Variants in MEGF11 observed in about 807,000 individuals in gnomAD.
The protein encoded by MEGF11 is multiple EGF like domains 11, also known as multiple epidermal growth factor-like domains protein 11.
MEGF11 carries 126 observed loss-of-function variants against 146.6 expected under a neutral mutation model. The ratio of observed to expected loss-of-function variants is 0.86; its 90% CI spans 0.74 to 1.00. The LOEUF (loss-of-function observed/expected upper bound fraction) is 1.00. Among genes scored for constraint, MEGF11 ranks in the 50% least tolerant of loss-of-function variants. The pLI, the probability that MEGF11 is intolerant of heterozygous loss-of-function variation, is 0.00. For synonymous variants in MEGF11, 532 were observed against 583.4 expected (o/e 0.91, Z 1.27); for missense variants, 1,509 against 1,521.2 (o/e 0.99, Z 0.13).
chr15:66,212,468 AAG>A (rs2091485766), intron 1 of MEGF11, among the ~76,000 whole-genome samples: 2 of 152,066 alleles, frequency 1.3e-5, no homozygotes, highest in African/African-American at 4.8e-5. Context: ...GCCTCTAAGA[AAG>A]AGAGAAGATA....
At chr15:65,905,972 G>A (rs1596815634) in intron 24 of MEGF11, 113 bp downstream of exon 24, 1 of 833,622 alleles carries the variant, frequency 1.2e-6, no homozygotes, top group Non-Finnish European at 1.9e-6. Context: ...TTAACCTTCT[G>A]TGGGGGGCAG....
chr15:66,123,597 T>C (rs914491555), intron 3 of MEGF11, among the ~76,000 whole-genome samples: 4 of 152,170 alleles, frequency 2.6e-5, no homozygotes, highest in Admixed American at 6.5e-5. Flanking sequence ...ATGTAGAACA[T>C]GGCTAAGAGA....
rs181827701 is a variant in MEGF11 at position 66,236,873 on chromosome 15, G to A, written c.-9+16732C>T. On this transcript the variant is annotated intron_variant, in intron 1 of 25. Transcript: ENST00000395614. ...GGAGCTGAGCCAAGATGGGCGGCCC[G>A]CTGTAACACCCCGGGAAGAACAAGA... Among the ~76,000 whole-genome samples, 94 of 152,268 alleles carry A rather than the reference G, an allele frequency of 6.2e-4. 1 individual carries two copies. The highest frequency in any genetic ancestry group is 6.0e-3 in the South Asian group (29 of 4,820).
In MEGF11 at chr15:66,163,025, C is replaced by A. The variant is rs561357123; in HGVS notation, c.-8-34614G>T. 1.1e-4 allele frequency among the ~76,000 whole-genome samples: 17 copies of A among 152,154 alleles called. No homozygotes were observed. In the South Asian group the frequency reaches 3.5e-3, roughly 32 times the overall value. ...GATCCTGCAACATACTGCTCATATACCCTGAAGTTTGAAAGCCACAAGATT... is the reference window on the plus strand; with the variant it reads ...GATCCTGCAACATACTGCTCATATAACCTGAAGTTTGAAAGCCACAAGATT... On this transcript the variant is annotated intron_variant, in intron 1 of 25. Coordinates refer to ENST00000395614, the MANE Select transcript of MEGF11 (RefSeq NM_001385028.1).
intron 1 of MEGF11, among the ~76,000 whole-genome samples, chr15:66,237,659 T>C (rs963926133): frequency 1.4e-4 from 21 of 152,160 alleles, no homozygotes; most frequent in Non-Finnish European, 2.5e-4. Context: ...GAGAATTGAA[T>C]GAGTAATCCT....
At chr15:65,941,656 T>C (rs1354328413) in intron 10 of MEGF11, among the ~76,000 whole-genome samples, 1 of 152,228 alleles carries the variant, frequency 6.6e-6, no homozygotes. Context: ...CCATTCTCTT[T>C]CCTGAGATTC....
chr15:66,225,645 A>G (rs939065042), intron 1 of MEGF11, among the ~76,000 whole-genome samples: 7 of 152,208 alleles, frequency 4.6e-5, no homozygotes, highest in Admixed American at 3.3e-4. Context: ...ACACTTGAGC[A>G]CACACATGCA....
rs775266969 is a variant in MEGF11 at position 65,916,901 on chromosome 15, G to A, written c.2142C>T (p.Asn714=). The change falls in exon 17 of 26, where the codon AAC becomes AAT. Residue 714 remains asparagine (N), a synonymous_variant. Transcript: ENST00000395614. Reference sequence around the variant, plus strand: ...CGTCCTCGGCGCTGCAGCTCGCCCCGTTGTGGCAGCTGCATGCGTGGAAGC... The same window carrying A: ...CGTCCTCGGCGCTGCAGCTCGCCCCATTGTGGCAGCTGCATGCGTGGAAGC... ...PACFHACSCH[N]GASCSAEDGA... 5.1e-6 allele frequency: 8 copies of A among 1,579,878 alleles called. No individual in the cohort carries two copies. Among genetic ancestry groups the A allele is most frequent in the African/African-American group, 1.3e-5 (1 of 74,130 alleles).
chr15:66,226,320 T>C (rs2091851682), intron 1 of MEGF11, among the ~76,000 whole-genome samples: 1 of 151,736 alleles, frequency 6.6e-6, no homozygotes, highest in Non-Finnish European at 1.5e-5. Context: ...TGATCTCAGC[T>C]CACTGCAACC....
intron 1 of MEGF11, among the ~76,000 whole-genome samples, chr15:66,146,262 C>G (rs2089367462): frequency 6.6e-6 from 1 of 152,186 alleles, no homozygotes; most frequent in Non-Finnish European, 1.5e-5. Context: ...AGGGAATTAT[C>G]CTCATTCACC....
chr15:66,112,558 T>C (rs1419930330), intron 4 of MEGF11, among the ~76,000 whole-genome samples: 1 of 151,814 alleles, frequency 6.6e-6, no homozygotes, highest in East Asian at 1.9e-4. Flanking sequence ...AGAAAGGAGA[T>C]TTTTGAAGAG....
Position 65,898,023 on chromosome 15 carries a change from G to C in MEGF11, c.3334C>G (p.Pro1112Ala). ...TGACCAGGAATATGGCTGTTCCTAG[G>C]TAGGTCGTATGCATTCTGGATATAG... is the stretch of plus-strand genomic sequence containing the variant. ...SSYIQNAYDL[P>A]RNSHIPGHYD... The change falls in exon 26 of 26, where the codon CCT becomes GCT. Residue 1112 changes from proline (P) to alanine (A), a missense_variant. Coordinates refer to ENST00000395614, the MANE Select transcript of MEGF11 (RefSeq NM_001385028.1). 1 of 1,613,992 alleles carries C rather than the reference G, an allele frequency of 6.2e-7. No homozygotes were observed. Among genetic ancestry groups the C allele is most frequent in the Non-Finnish European group, 8.5e-7 (1 of 1,179,850 alleles).
At chr15:66,043,991 G>A (rs2084096738) in intron 5 of MEGF11, among the ~76,000 whole-genome samples, 1 of 152,162 alleles carries the variant, frequency 6.6e-6, no homozygotes, top group Admixed American at 6.5e-5. Flanking sequence ...AGGCTTTTAA[G>A]AAACAAAAAC....
At chr15:66,209,985 A>T (rs1392406488) in intron 1 of MEGF11, among the ~76,000 whole-genome samples, 2 of 152,024 alleles carry the variant, frequency 1.3e-5, no homozygotes, top group African/African-American at 4.8e-5. Context: ...ACACCTGGCT[A>T]ATTTTTTACT....
chr15:66,012,898 G>A (rs2082755270), intron 5 of MEGF11, among the ~76,000 whole-genome samples: 1 of 152,260 alleles, frequency 6.6e-6, no homozygotes, highest in South Asian at 2.1e-4. Context: ...CCCCCGCACA[G>A]GGGTTCTGCA....
At chr15:65,990,279 G>A (rs2414897) in intron 5 of MEGF11, among the ~76,000 whole-genome samples, 88,747 of 152,102 alleles carry the variant, frequency 0.58, 27,162 homozygotes, top group Non-Finnish European at 0.69. Context: ...GGCCAGATGC[G>A]GTGGCTCACA....
chr15:66,091,981 A>G (rs546464713), intron 5 of MEGF11, among the ~76,000 whole-genome samples: 28 of 152,334 alleles, frequency 1.8e-4, no homozygotes, highest in African/African-American at 6.7e-4. Context: ...GCTATTATCA[A>G]CTGCTCTGAG....
intron 1 of MEGF11, among the ~76,000 whole-genome samples, chr15:66,154,525 G>A (rs1234229905): frequency 1.3e-5 from 2 of 152,228 alleles, no homozygotes; most frequent in Non-Finnish European, 2.9e-5. Flanking sequence ...ATTTAACAGT[G>A]ATTCCAACAT....
chr15:66,045,209 T>C (rs2084155327), intron 5 of MEGF11, among the ~76,000 whole-genome samples: 2 of 152,356 alleles, frequency 1.3e-5, no homozygotes, highest in African/African-American at 4.8e-5. Flanking sequence ...TTCTGTTTTG[T>C]AGCTCTACTA....
Sources: gnomAD v4.1 joint callset for allele counts (sites outside exome capture counted in the v4.1 genomes callset) on GRCh38, gnomAD v4.1.1 for gene constraint, MANE v1.5 for transcripts, NCBI Gene and HGNC (gene_info 2026-07-23, HGNC 2026-07-21) for gene names.